PLEKHA7: variants seen among roughly 807,000 people sequenced by gnomAD.
PLEKHA7 encodes pleckstrin homology domain containing A7.
In PLEKHA7, 104 loss-of-function variants were observed where a neutral mutation model predicts 170.0. The ratio of observed to expected loss-of-function variants is 0.61; its 90% CI spans 0.52 to 0.72. The LOEUF (loss-of-function observed/expected upper bound fraction) is 0.72. Ranked by LOEUF, PLEKHA7 falls within the 30% of genes least tolerant of loss-of-function variation. The pLI is 0.00. For synonymous variants in PLEKHA7, 648 were observed against 660.8 expected, an observed-to-expected ratio of 0.98 and a Z score of 0.30; for missense variants, 1,615 against 1,671.7, an observed-to-expected ratio of 0.97 and a Z score of 0.59.
At chr11:16,973,548 G>C (rs895468804) in intron 3 of PLEKHA7, among the ~76,000 whole-genome samples, 2 of 152,166 alleles carry the variant, frequency 1.3e-5, no homozygotes, top group African/African-American at 4.8e-5. Flanking sequence ...TAACCACATG[G>C]TTCTCAACCC....
In PLEKHA7 at chr11:16,789,754, C is replaced by G. The variant is rs117142941; in HGVS notation, c.3156+21G>C. The G allele has an allele frequency of 2.4e-4, 376 of 1,598,316 alleles. 2 individuals are homozygous for G. The East Asian group carries it at 8.3e-3, about 35-fold the overall frequency. On this transcript the variant is annotated intron_variant, in intron 22 of 26. Coordinates refer to ENST00000531066, the MANE Select transcript of PLEKHA7 (RefSeq NM_001329630.2). This position sits in a 1 kb window ranked among gnomAD's most constrained non-coding sequence, Gnocchi z 4.6. ...CCATGTGAAGGAGCAGGGAGGTCCT[C>G]GACAGCTCAAGGCCACTCACAGGGA...
chr11:16,965,427 A>G (rs1230123651), intron 3 of PLEKHA7, among the ~76,000 whole-genome samples: 1 of 152,170 alleles, frequency 6.6e-6, no homozygotes, highest in African/African-American at 2.4e-5. Context: ...AATGAGAAAG[A>G]TATCTGGGGG....
intron 17 of PLEKHA7, 89 bp from the exon 18 acceptor site, chr11:16,795,107 C>CAGGGCGGGGG: frequency 9.6e-6 from 9 of 939,968 alleles, no homozygotes; most frequent in Non-Finnish European, 1.6e-5. Flanking sequence ...CAGAGCCCCC[C>CAGGGCGGGGG]GCCCTGAGGG....
At chr11:16,966,020 C>A (rs1352777954) in intron 3 of PLEKHA7, among the ~76,000 whole-genome samples, 1 of 151,952 alleles carries the variant, frequency 6.6e-6, no homozygotes, top group East Asian at 1.9e-4. Context: ...CCATCTCTAC[C>A]AAAAATACAA....
intron 10 of PLEKHA7, among the ~76,000 whole-genome samples, chr11:16,822,501 GGAAAAAAAAAAA>G (rs869146700): frequency 6.3e-5 from 8 of 126,334 alleles, no homozygotes; most frequent in South Asian, 2.7e-4. Flanking sequence ...TTTTGGTAGG[GGAAAAAAAAAAA>G]AAAAAAAAAA....
At chr11:16,969,783 G>A (rs1000101164) in intron 3 of PLEKHA7, among the ~76,000 whole-genome samples, 31 of 152,350 alleles carry the variant, frequency 2.0e-4, no homozygotes, top group Admixed American at 1.5e-3. Flanking sequence ...GAGCACCAGA[G>A]TCCAACAGTG....
At chr11:16,989,991 T>C (rs1317473789) in intron 3 of PLEKHA7, among the ~76,000 whole-genome samples, 1 of 151,932 alleles carries the variant, frequency 6.6e-6, no homozygotes, top group South Asian at 2.1e-4. Context: ...CTAGAGAGGT[T>C]TACTCTCCAT....
At chr11:16,871,757 G>A (rs1854870079) in intron 3 of PLEKHA7, among the ~76,000 whole-genome samples, 1 of 152,040 alleles carries the variant, frequency 6.6e-6, no homozygotes, top group African/African-American at 2.4e-5. Flanking sequence ...TCACCCTTTT[G>A]AAGTTAGGAA....
At position 17,014,209 on chromosome 11, in the gene PLEKHA7, C is replaced by T. The variant is rs1278979320; in HGVS notation, c.87-8G>A. The T allele has an allele frequency of 7.0e-6, 11 of 1,568,462 alleles. No homozygotes were observed. Among genetic ancestry groups the T allele is most frequent in the Admixed American group, 3.7e-5 (2 of 54,766 alleles). On this transcript the variant is annotated splice_polypyrimidine_tract_variant and splice_region_variant and intron_variant, in intron 1 of 26. Transcript: ENST00000531066. ...GTGCAGCGGAGCTGGTCACTGCGGG[C>T]AGAGAGGTGCACCTGTTAGCGCCGC...
intron 3 of PLEKHA7, among the ~76,000 whole-genome samples, chr11:16,955,777 C>T (rs1490059167): frequency 1.3e-5 from 2 of 152,062 alleles, no homozygotes; most frequent in Non-Finnish European, 2.9e-5. Context: ...AAGTTCAGTT[C>T]TCAGTTATCT....
chr11:16,788,959 C>T, intron 23 of PLEKHA7, 137 bp downstream of exon 23: 1 of 1,117,682 alleles, frequency 8.9e-7, no homozygotes, highest in South Asian at 1.5e-5. Context: ...ACAAACAGCC[C>T]CGTGGGGTGT....
At chr11:16,858,414 G>A (rs949387373) in intron 4 of PLEKHA7, among the ~76,000 whole-genome samples, 14 of 152,036 alleles carry the variant, frequency 9.2e-5, no homozygotes, top group African/African-American at 1.2e-4. Context: ...AGAAAAGACC[G>A]TCTGGATTTG....
At chr11:16,811,635 A>G (rs1472721975) in intron 13 of PLEKHA7, among the ~76,000 whole-genome samples, 4 of 152,200 alleles carry the variant, frequency 2.6e-5, no homozygotes, top group Non-Finnish European at 5.9e-5. Context: ...AATTACCACC[A>G]TACTTAGAGC....
At chr11:16,951,485 T>G (rs982551) in intron 3 of PLEKHA7, among the ~76,000 whole-genome samples, 3 of 151,922 alleles carry the variant, frequency 2.0e-5, no homozygotes, top group Non-Finnish European at 4.4e-5. Context: ...TCTTATGAGA[T>G]AGATATTTTT....
In PLEKHA7 at chr11:16,789,343, G is replaced by A. The variant is rs1452906545; in HGVS notation, c.3157-47C>T. The A allele has an allele frequency of 1.3e-6, 2 of 1,571,272 alleles. No homozygotes were observed. Among genetic ancestry groups the A allele is most frequent in the African/African-American group, 1.4e-5 (1 of 74,070 alleles). ...AGAGAGACACAGAACAGCTGGGCTG[G>A]GCACGCAGAGGACAGCCACCCTGCT... is the stretch of plus-strand genomic sequence containing the variant. On this transcript the variant is annotated intron_variant, in intron 22 of 26. Transcript: ENST00000531066. The surrounding 1 kb of genome is among the most constrained non-coding windows in gnomAD (Gnocchi z 4.6).
chr11:16,852,375 A>C lies in PLEKHA7; in HGVS notation c.523-20T>G, dbSNP rs369045149. ...ACTGTCCTGCAAAGCAAAGAAAACT[A>C]GTCAGGGTAATATCTGAGCATACTG... On this transcript the variant is annotated intron_variant, in intron 6 of 26. Coordinates refer to ENST00000531066, the MANE Select transcript of PLEKHA7 (RefSeq NM_001329630.2). 6 of 1,611,574 alleles carry C rather than the reference A, an allele frequency of 3.7e-6. No individual in the cohort carries two copies. The highest frequency in any genetic ancestry group is 3.4e-6 in the Non-Finnish European group (4 of 1,178,148).
At chr11:16,972,903 T>C (rs1862813986) in intron 3 of PLEKHA7, among the ~76,000 whole-genome samples, 1 of 152,192 alleles carries the variant, frequency 6.6e-6, no homozygotes, top group Non-Finnish European at 1.5e-5. Flanking sequence ...AACAAAGTGT[T>C]TCCTAAAGAG....
intron 6 of PLEKHA7, among the ~76,000 whole-genome samples, chr11:16,852,761 T>C (rs1853084313): frequency 6.6e-6 from 1 of 152,230 alleles, no homozygotes; most frequent in Non-Finnish European, 1.5e-5. Flanking sequence ...GAGTTTAAGT[T>C]ACCTAATGAA....
chr11:16,909,678 A>G (rs1391342894), intron 3 of PLEKHA7, among the ~76,000 whole-genome samples: 1 of 152,212 alleles, frequency 6.6e-6, no homozygotes, highest in African/African-American at 2.4e-5. Flanking sequence ...AAACTGAAGC[A>G]CTGCACTAGC....
Sources: gnomAD v4.1 joint callset for allele counts (sites outside exome capture counted in the v4.1 genomes callset) on GRCh38, gnomAD v4.1.1 for gene constraint, Gnocchi (gnomAD v3.1) non-coding constraint, MANE v1.5 for transcripts, NCBI Gene and HGNC (gene_info 2026-07-23, HGNC 2026-07-21) for gene names.